Variants in SFMBT2 observed in about 807,000 individuals in gnomAD.
SFMBT2 encodes scm-like with four MBT domains protein 2.
Under a neutral mutation model 110.1 loss-of-function variants are expected in SFMBT2, and 38 were observed. The observed-to-expected ratio is 0.35, with a 90% confidence interval of 0.27 to 0.45. SFMBT2 has a LOEUF of 0.45. SFMBT2 is among the 20% of genes least tolerant of loss of function. The pLI is 1.00. For synonymous variants in SFMBT2, 425 were observed against 425.4 expected (o/e 1.00, Z 0.01); for missense variants, 1,011 against 1,094.9 (o/e 0.92, Z 1.08).
intron 10 of SFMBT2, among the ~76,000 whole-genome samples, chr10:7,225,101 T>C (rs1202885354): frequency 6.6e-6 from 1 of 152,228 alleles, no homozygotes; most frequent in Admixed American, 6.5e-5. Flanking sequence ...TGTATTGAGC[T>C]TCCTTCTGAA....
intron 7 of SFMBT2, among the ~76,000 whole-genome samples, chr10:7,258,524 C>T (rs1763976268): frequency 6.6e-6 from 1 of 152,180 alleles, no homozygotes; most frequent in Admixed American, 6.5e-5. Flanking sequence ...ATTGCATGTG[C>T]TTCTTTTCAA....
intron 8 of SFMBT2, 34 bp from the exon 9 acceptor site, chr10:7,243,739 A>C: frequency 1.2e-6 from 1 of 854,504 alleles, no homozygotes. Context: ...CCAAAGGTTA[A>C]TTCTTTAGAG....
intron 2 of SFMBT2, among the ~76,000 whole-genome samples, chr10:7,371,488 T>C (rs1388186927): frequency 2.0e-5 from 3 of 152,222 alleles, no homozygotes; most frequent in African/African-American, 7.2e-5. Context: ...AATCAAGCAA[T>C]TCCCCAAACA....
In SFMBT2 at chr10:7,220,554, AC is replaced by A; in HGVS notation, c.1204-18del. The stretch of plus-strand genomic sequence containing the variant: ...GAATGATGTCTGCAAGAGAAACGAG[AC>A]CAACACTGAGCCAGTGCTGACGCAG... On this transcript the variant is annotated intron_variant, in intron 10 of 20. Transcript: ENST00000397167. The A allele has an allele frequency of 6.2e-7, 1 of 1,613,920 alleles. No homozygotes were observed. Among genetic ancestry groups the A allele is most frequent in the Non-Finnish European group, 8.5e-7 (1 of 1,179,872 alleles).
chr10:7,384,426 AAT>A (rs906870977), intron 1 of SFMBT2, among the ~76,000 whole-genome samples: 29 of 152,184 alleles, frequency 1.9e-4, no homozygotes, highest in African/African-American at 6.5e-4. Flanking sequence ...CCTGAACCAA[AAT>A]ACAAACTGAG....
At chr10:7,385,428 G>A (rs1588501035) in intron 1 of SFMBT2, among the ~76,000 whole-genome samples, 1 of 152,206 alleles carries the variant, frequency 6.6e-6, no homozygotes, top group East Asian at 1.9e-4. Context: ...CGGGAATGTG[G>A]AGGGGAGAAG....
At chr10:7,168,215 CT>C (rs1284810548) in intron 20 of SFMBT2, among the ~76,000 whole-genome samples, 1 of 152,176 alleles carries the variant, frequency 6.6e-6, no homozygotes, top group Non-Finnish European at 1.5e-5. Flanking sequence ...AGACTCAATA[CT>C]TTAGGCTTTT....
intron 4 of SFMBT2, among the ~76,000 whole-genome samples, chr10:7,353,043 A>C (rs917412356): frequency 6.6e-6 from 1 of 152,008 alleles, no homozygotes; most frequent in African/African-American, 2.4e-5. Context: ...AAATAAATAA[A>C]ATAAGTACAC....
chr10:7,187,251 G>T (rs1838445453), intron 16 of SFMBT2, among the ~76,000 whole-genome samples: 1 of 152,186 alleles, frequency 6.6e-6, no homozygotes, highest in Non-Finnish European at 1.5e-5. Flanking sequence ...TTGCAGAAAA[G>T]TTTTAAAATA....
intron 4 of SFMBT2, among the ~76,000 whole-genome samples, chr10:7,305,699 A>C (rs4747445): frequency 0.014 from 2,180 of 152,348 alleles, 24 homozygotes; most frequent in Non-Finnish European, 0.023. Context: ...TGACTTAGCA[A>C]AGGTCTACCC....
chr10:7,376,722 T>G (rs150503772), intron 2 of SFMBT2, among the ~76,000 whole-genome samples: 1 of 5,230 alleles, frequency 1.9e-4, no homozygotes, highest in Non-Finnish European at 3.4e-4. Flanking sequence ...AAAAAGGCCC[T>G]CCCACAAAAA....
At chr10:7,271,417 C>T (rs1294512197) in intron 7 of SFMBT2, among the ~76,000 whole-genome samples, 1 of 151,650 alleles carries the variant, frequency 6.6e-6, no homozygotes, top group Non-Finnish European at 1.5e-5. Flanking sequence ...TAAGAATGGA[C>T]AGGAAAGACA....
At chr10:7,372,523 T>C (rs2132061502) in intron 2 of SFMBT2, among the ~76,000 whole-genome samples, 1 of 152,314 alleles carries the variant, frequency 6.6e-6, no homozygotes, top group Non-Finnish European at 1.5e-5. Context: ...CAAACAGAAA[T>C]GCACTTCCTG....
At chr10:7,411,065 CTTTTTTTTTTTTTTT>C (rs766788794), upstream of SFMBT2, among the ~76,000 whole-genome samples, 86 of 53,918 alleles carry the variant, frequency 1.6e-3, 1 homozygote, top group Middle Eastern at 0.027. Flanking sequence ...GCTCGGCGCT[CTTTTTTTTTTTTTTT>C]TTTTTTTTTT....
At chr10:7,265,813 A>G (rs1409353526) in intron 7 of SFMBT2, among the ~76,000 whole-genome samples, 1 of 152,166 alleles carries the variant, frequency 6.6e-6, no homozygotes, top group Admixed American at 6.5e-5. Context: ...ATGAATCCCC[A>G]TTCAAGAACA....
chr10:7,314,524 C>A (rs1035094113), intron 4 of SFMBT2, among the ~76,000 whole-genome samples: 1 of 152,234 alleles, frequency 6.6e-6, no homozygotes, highest in Non-Finnish European at 1.5e-5. Flanking sequence ...CTCAACCACA[C>A]TTGGTGTAAG....
chr10:7,164,042 T>C (rs1308476468), intron 20 of SFMBT2, 132 bp from the exon 21 acceptor site: 1 of 1,387,368 alleles, frequency 7.2e-7, no homozygotes, highest in East Asian at 2.8e-5. Flanking sequence ...CAGGGGATTG[T>C]TGGTAGAGAT....
Position 7,381,791 on chromosome 10 carries a change from A to T in SFMBT2, c.100+8T>A. On this transcript the variant is annotated splice_region_variant and intron_variant, in intron 2 of 20. Transcript: ENST00000397167. ...AAATCCAGATGAATCTCGAAAACAA[A>T]ATCCTACCAGAATCAAGGTCTCCAT... 1.2e-6 allele frequency: 2 copies of T among 1,609,842 alleles called. No individual in the cohort carries two copies. Among genetic ancestry groups the T allele is most frequent in the Non-Finnish European group, 1.7e-6 (2 of 1,178,586 alleles).
At chr10:7,349,979 G>T (rs12264164) in intron 4 of SFMBT2, among the ~76,000 whole-genome samples, 5 of 152,078 alleles carry the variant, frequency 3.3e-5, no homozygotes, top group African/African-American at 1.2e-4. Context: ...GCACCTCATA[G>T]GCGCATGCTG....
Sources: gnomAD v4.1 joint callset for allele counts (sites outside exome capture counted in the v4.1 genomes callset) on GRCh38, gnomAD v4.1.1 for gene constraint, MANE v1.5 for transcripts, NCBI Gene and HGNC (gene_info 2026-07-23, HGNC 2026-07-21) for gene names.